The following TRMT61A variants were observed in gnomAD, a reference collection of about 807,000 sequenced individuals.
TRMT61A encodes tRNA (adenine(58)-N(1))-methyltransferase catalytic subunit TRMT61A.
TRMT61A carries 15 observed loss-of-function variants against 21.3 expected under a neutral mutation model. The ratio of observed to expected loss-of-function variants is 0.70; its 90% CI spans 0.47 to 1.08. TRMT61A has a LOEUF of 1.08. Among genes scored for constraint, TRMT61A ranks in the 50% least tolerant of loss-of-function variants. The pLI, the probability that TRMT61A is intolerant of heterozygous loss-of-function variation, is 0.00. For missense variants in TRMT61A, 352 were observed against 426.7 expected, an observed-to-expected ratio of 0.83 and a Z score of 1.54; for synonymous variants, 183 against 185.5, an observed-to-expected ratio of 0.99 and a Z score of 0.11.
Position 103,530,285 on chromosome 14 carries a change from C to T in TRMT61A, c.307C>T (p.Pro103Ser), listed in dbSNP as rs375622926. Residue 103 changes from proline to serine, a missense_variant, in exon 2 of 4, where the codon CCC (proline) becomes TCC (serine). By Grantham distance (74) the Pro-to-Ser change is moderately conservative. Transcript: ENST00000389749. ...CATCACCATGATGTTGGAGCTTCGG[C>T]CCGGCTCTGTGGTCTGTGAGTCTGG... is the stretch of plus-strand genomic sequence containing the variant. ...ALITMMLELR[P>S]GSVVCESGTG... is the part of the protein sequence containing the mutation. The T allele has an allele frequency of 9.4e-6, 15 of 1,590,560 alleles. No individual in the cohort carries two copies. Among genetic ancestry groups the T allele is most frequent in the Non-Finnish European group, 9.5e-6 (11 of 1,161,544 alleles).
chr14:103,534,782 C>T lies in TRMT61A; in HGVS notation c.831C>T (p.His277=), dbSNP rs762588533. The change falls in exon 4 of 4, where the codon CAC becomes CAT. Residue 277 remains histidine, a synonymous_variant. Coordinates refer to ENST00000389749, the MANE Select transcript of TRMT61A (RefSeq NM_152307.3). ...CGCCCATGAAGGAGGCCGTGGGCCACACCGGCTACCTGACCTTCGCCACCA... is the reference window on the plus strand; with the variant it reads ...CGCCCATGAAGGAGGCCGTGGGCCATACCGGCTACCTGACCTTCGCCACCA... ...SGTPMKEAVG[H]TGYLTFATKT... is the part of the protein sequence containing the mutation. 6.4e-7 allele frequency: 1 copy of T among 1,565,058 alleles called. No homozygotes were observed. The highest frequency in any genetic ancestry group is 1.8e-5 in the Admixed American group (1 of 54,446).
rs1478527286 is a variant in TRMT61A, at chr14:103,536,786, GC to G, written c.*1967del. 1.3e-5 allele frequency: 2 copies of G among 152,230 alleles called. No homozygotes were observed. The highest frequency in any genetic ancestry group is 2.9e-5 in the Non-Finnish European group (2 of 68,064). The allele number at this position is 152,230 out of a possible 1,614,324, so 9.4% of individuals were successfully genotyped here. On this transcript the variant is annotated 3_prime_UTR_variant, in exon 4 of 4. Transcript: ENST00000389749. ...GGGTCCAGGTTGTGCCCATTTTCCA[GC>G]CGGGGCTGGTTGCCCTGGTGGCAGC...
rs567764736 is a variant in TRMT61A, at chr14:103,529,685, C to T, written c.-29-265C>T. Among the ~76,000 whole-genome samples the T allele has an allele frequency of 5.2e-5, 8 of 152,392 alleles. No individual in the cohort carries two copies. The South Asian group carries it at 1.2e-3, about 24-fold the overall frequency. On this transcript the variant is annotated intron_variant, in intron 1 of 3. Transcript: ENST00000389749. ...CTCCGGGAATCCTTGGGACCGAACT[C>T]CGCCATTGCCAAGCCTCAGTCTTTT...
Position 103,534,796 on chromosome 14 carries a change from C to G in TRMT61A, c.845C>G (p.Thr282Ser). The change falls in exon 4 of 4, where the codon ACC (threonine) becomes AGC (serine). Residue 282 changes from threonine to serine, a missense_variant. Coordinates refer to ENST00000389749, the MANE Select transcript of TRMT61A (RefSeq NM_152307.3). ...KEAVGHTGYLTFATKTPG is the reference protein window; with the variant it reads ...KEAVGHTGYLSFATKTPG The stretch of plus-strand genomic sequence containing the variant: ...GCCGTGGGCCACACCGGCTACCTGA[C>G]CTTCGCCACCAAGACCCCAGGCTAG... 6.4e-7 allele frequency: 1 copy of G among 1,556,364 alleles called. No individual in the cohort carries two copies. The highest frequency in any genetic ancestry group is 2.3e-5 in the East Asian group (1 of 42,630).
In TRMT61A at chr14:103,532,627, C is replaced by T. The variant is rs1259701038; in HGVS notation, c.377C>T (p.Ala126Val). ...SVSHAIIRTI[A>V]PTGHLHTVEF... ...TCCCACGCCATCATCCGCACCATTG[C>T]ACCCACGGGTCACCTGCACACGGTG... Residue 126 changes from alanine (A) to valine (V), a missense_variant, in exon 3 of 4, where the codon GCA becomes GTA. Transcript: ENST00000389749. 2 of 1,613,468 alleles carry T rather than the reference C, an allele frequency of 1.2e-6. No individual in the cohort carries two copies.
At position 103,532,647 on chromosome 14, in the gene TRMT61A, A is replaced by G; in HGVS notation, c.397A>G (p.Thr133Ala). 1.9e-6 allele frequency: 3 copies of G among 1,613,410 alleles called. No homozygotes were observed. The highest frequency in any genetic ancestry group is 2.5e-6 in the Non-Finnish European group (3 of 1,179,988). Residue 133 changes from threonine (T) to alanine (A), a missense_variant, in exon 3 of 4, where the codon ACG (threonine) becomes GCG (alanine). Physicochemically the swap from Thr to Ala is moderately conservative, Grantham distance 58 (BLOSUM62 0). Coordinates refer to ENST00000389749, the MANE Select transcript of TRMT61A (RefSeq NM_152307.3). ...CATTGCACCCACGGGTCACCTGCAC[A>G]CGGTGGAGTTCCACCAGCAGCGGGC... The part of the protein sequence containing the change: ...RTIAPTGHLH[T>A]VEFHQQRAEK...
rs1184762011 is a variant in TRMT61A at position 103,536,462 on chromosome 14, T to C, written c.*1641T>C. ...CCTGCTCCGAGGGCTTGTCCTCTCC[T>C]TCCAGGACCCAGCTTCCCTTCTAAC... On this transcript the variant is annotated 3_prime_UTR_variant, in exon 4 of 4. Transcript: ENST00000389749. The C allele has an allele frequency of 6.6e-6, 1 of 152,236 alleles. No individual in the cohort carries two copies. The highest frequency in any genetic ancestry group is 2.4e-5 in the African/African-American group (1 of 41,438). The allele number at this position is 152,236 out of a possible 1,614,324, so 9.4% of individuals were successfully genotyped here.
At chr14:103,532,502 G>T (rs1223567057) in intron 2 of TRMT61A, 80 bp from the exon 3 acceptor site, 27 of 1,565,864 alleles carry the variant, frequency 1.7e-5, no homozygotes, top group Non-Finnish European at 2.4e-5. Flanking sequence ...TCCAGGGTGA[G>T]GTGGGGGTTG....
rs1388982778 is a variant in TRMT61A at position 103,530,255 on chromosome 14, G to A, written c.277G>A (p.Ala93Thr). ...GCAGATCCTCTACTCCACAGACATC[G>A]CCCTCATCACCATGATGTTGGAGCT... The part of the protein sequence containing the change: ...RTQILYSTDI[A>T]LITMMLELRP... The change falls in exon 2 of 4, where the codon GCC (alanine) becomes ACC (threonine). Residue 93 changes from alanine (A) to threonine (T), a missense_variant. Ala to Thr is a moderately conservative substitution (Grantham distance 58). Transcript: ENST00000389749. 2 of 1,603,934 alleles carry A rather than the reference G, an allele frequency of 1.2e-6. No individual in the cohort carries two copies. Among genetic ancestry groups the A allele is most frequent in the South Asian group, 1.1e-5 (1 of 90,882 alleles).
At chr14:103,533,400 G>A (rs1385611124) in intron 3 of TRMT61A, among the ~76,000 whole-genome samples, 1 of 152,320 alleles carries the variant, frequency 6.6e-6, no homozygotes, top group East Asian at 1.9e-4. Flanking sequence ...TGGAGGTGCT[G>A]GGCGCCCCAC....
Position 103,534,907 on chromosome 14 carries a change from C to G in TRMT61A, c.*86C>G. 1 of 1,499,584 alleles carries G rather than the reference C, an allele frequency of 6.7e-7. No homozygotes were observed. The highest frequency in any genetic ancestry group is 9.0e-7 in the Non-Finnish European group (1 of 1,114,944). The allele number at this position is 1,499,584 out of a possible 1,614,324, so 92.9% of individuals were successfully genotyped here. A position where few individuals can be genotyped will look rare whatever the true frequency, so the allele number is the denominator to read the frequency against. On this transcript the variant is annotated 3_prime_UTR_variant, in exon 4 of 4. Coordinates refer to ENST00000389749, the MANE Select transcript of TRMT61A (RefSeq NM_152307.3). ...GAGGCACCTTATATGGTCAGCGATG[C>G]CTGCCAGACACAGACGGTGGGGTGG...
Position 103,529,218 on chromosome 14 carries a change from G to C in TRMT61A, c.-73G>C. 1 of 297,760 alleles carries C rather than the reference G, an allele frequency of 3.4e-6. No homozygotes were observed. Among genetic ancestry groups the C allele is most frequent in the Non-Finnish European group, 6.9e-6 (1 of 145,770 alleles). 18.4% of individuals were successfully genotyped at this position (297,760 alleles called of 1,614,324 possible). ...AGTGTTGTGGCCGCCGCCGCCGCGC[G>C]TCGCGGAGGCACGTGTGGAGCCCCG... On this transcript the variant is annotated 5_prime_UTR_variant, in exon 1 of 4. Coordinates refer to ENST00000389749, the MANE Select transcript of TRMT61A (RefSeq NM_152307.3).
At chr14:103,533,846 C>G (rs2756127) in intron 3 of TRMT61A, among the ~76,000 whole-genome samples, 1 of 152,052 alleles carries the variant, frequency 6.6e-6, no homozygotes, top group African/African-American at 2.4e-5. Flanking sequence ...TGTTGTCACA[C>G]AGCAGGTGCC....
chr14:103,532,985 C>A, intron 3 of TRMT61A, 137 bp downstream of exon 3: 1 of 1,253,746 alleles, frequency 8.0e-7, no homozygotes, highest in Non-Finnish European at 1.1e-6. Context: ...CCCACTTTGG[C>A]CTGAGGTGAG....
Position 103,534,534 on chromosome 14 carries a change from G to A in TRMT61A, c.599-16G>A. On this transcript the variant is annotated splice_polypyrimidine_tract_variant and intron_variant, in intron 3 of 3. Coordinates refer to ENST00000389749, the MANE Select transcript of TRMT61A (RefSeq NM_152307.3). ...GCCACCCCTGCCCTCTGACCCTCGG[G>A]TCCTGTTTCCCACAGGCGGGCGCTT... 6.5e-7 allele frequency: 1 copy of A among 1,544,184 alleles called. No individual in the cohort carries two copies. The highest frequency in any genetic ancestry group is 1.2e-5 in the South Asian group (1 of 81,566).
At chr14:103,530,690 C>T (rs756895292) in intron 2 of TRMT61A, among the ~76,000 whole-genome samples, 30 of 152,336 alleles carry the variant, frequency 2.0e-4, no homozygotes, top group Middle Eastern at 3.4e-3. Flanking sequence ...GAGGCCAGGG[C>T]TACCCCGAGG....
At chr14:103,532,554 C>T in intron 2 of TRMT61A, 28 bp from the exon 3 acceptor site, 2 of 1,612,768 alleles carry the variant, frequency 1.2e-6, no homozygotes, top group Non-Finnish European at 1.7e-6. Flanking sequence ...CCAACTGATG[C>T]CTTGCCCATC....
rs938728077 is a variant in TRMT61A, at chr14:103,536,908, G to A, written c.*2087G>A. 3.3e-5 allele frequency: 5 copies of A among 152,090 alleles called. No homozygotes were observed. The highest frequency in any genetic ancestry group is 6.6e-5 in the Admixed American group (1 of 15,258). The allele number at this position is 152,090 out of a possible 1,614,324, so 9.4% of individuals were successfully genotyped here. On this transcript the variant is annotated 3_prime_UTR_variant, in exon 4 of 4. Coordinates refer to ENST00000389749, the MANE Select transcript of TRMT61A (RefSeq NM_152307.3). ...ACAGAGTTGCTGTGTCAATCCCCTC[G>A]GCCCTGCTGCTCTGCCCTGCACACA...
chr14:103,532,563 T>C lies in TRMT61A; in HGVS notation c.332-19T>C. The C allele has an allele frequency of 2.5e-6, 4 of 1,612,998 alleles. No individual in the cohort carries two copies. Among genetic ancestry groups the C allele is most frequent in the Non-Finnish European group, 3.4e-6 (4 of 1,179,940 alleles). On this transcript the variant is annotated intron_variant, in intron 2 of 3. Transcript: ENST00000389749. ...GCAGTCCCAACTGATGCCTTGCCCA[T>C]CCCTTCTTGTCCTGCCAGGCACCGG...
Sources: gnomAD v4.1 joint callset for allele counts (sites outside exome capture counted in the v4.1 genomes callset) on GRCh38, gnomAD v4.1.1 for gene constraint, MANE v1.5 for transcripts, NCBI Gene and HGNC (gene_info 2026-07-23, HGNC 2026-07-21) for gene names.